Variants in DENND1B observed in about 807,000 individuals in gnomAD.
DENND1B encodes the protein DENN domain containing 1B, also known as DENN domain-containing protein 1B.
A neutral mutation model predicts 90.1 loss-of-function variants in DENND1B; 59 were observed. The ratio of observed to expected loss-of-function variants is 0.65; its 90% CI spans 0.53 to 0.81. DENND1B has a LOEUF of 0.81. Among genes scored for constraint, DENND1B ranks in the 40% least tolerant of loss-of-function variants. The pLI, the probability that DENND1B is intolerant of heterozygous loss-of-function variation, is 0.00. For missense variants in DENND1B, 862 were observed against 912.6 expected (o/e 0.94, Z 0.71); for synonymous variants, 337 against 324.6 (o/e 1.04, Z -0.41).
intron 7 of DENND1B, among the ~76,000 whole-genome samples, chr1:197,647,689 C>T (rs1228635826): frequency 6.6e-6 from 1 of 152,174 alleles, no homozygotes; most frequent in African/African-American, 2.4e-5. Flanking sequence ...TGGCTCACGC[C>T]TGTAATCCCA....
At chr1:197,600,735 A>T (rs1676132074) in intron 13 of DENND1B, among the ~76,000 whole-genome samples, 1 of 151,806 alleles carries the variant, frequency 6.6e-6, no homozygotes, top group Admixed American at 6.6e-5. Context: ...AGTATAAAGG[A>T]TATATGAGAG....
intron 20 of DENND1B, among the ~76,000 whole-genome samples, chr1:197,539,544 CT>C (rs1670174042): frequency 2.6e-5 from 4 of 152,116 alleles, no homozygotes; most frequent in Non-Finnish European, 4.4e-5. Flanking sequence ...AATAATCTAA[CT>C]TTAGAATAGG....
At chr1:197,688,410 A>G (rs1400577711) in intron 3 of DENND1B, among the ~76,000 whole-genome samples, 2 of 152,168 alleles carry the variant, frequency 1.3e-5, no homozygotes, top group Non-Finnish European at 2.9e-5. Context: ...ATATTTCCTG[A>G]TTTCAAAGTA....
Position 197,715,016 on chromosome 1 carries a change from T to C in DENND1B, c.126+15A>G. ...CTTCAACTTTAAATTTTTTAAAAAATTATGTGGTACCAACCTGGTCTCCAA... is the reference window on the plus strand; with the variant it reads ...CTTCAACTTTAAATTTTTTAAAAAACTATGTGGTACCAACCTGGTCTCCAA... On this transcript the variant is annotated intron_variant, in intron 3 of 22. Coordinates refer to ENST00000620048, the MANE Select transcript of DENND1B (RefSeq NM_001195215.2). The C allele has an allele frequency of 6.2e-7, 1 of 1,603,216 alleles. No individual in the cohort carries two copies. The highest frequency in any genetic ancestry group is 8.5e-7 in the Non-Finnish European group (1 of 1,171,460).
intron 2 of DENND1B, among the ~76,000 whole-genome samples, chr1:197,730,130 GT>G (rs1348251033): frequency 6.6e-6 from 1 of 151,842 alleles, no homozygotes; most frequent in Non-Finnish European, 1.5e-5. Context: ...TATAAAACTT[GT>G]TTTCTAATTA....
intron 2 of DENND1B, among the ~76,000 whole-genome samples, chr1:197,738,820 C>G (rs571464809): frequency 6.6e-6 from 1 of 152,126 alleles, no homozygotes; most frequent in East Asian, 1.9e-4. Flanking sequence ...GACAGTGATC[C>G]CTGACAGAGA....
intron 2 of DENND1B, among the ~76,000 whole-genome samples, chr1:197,749,643 A>G (rs915845734): frequency 6.6e-6 from 1 of 152,200 alleles, no homozygotes; most frequent in African/African-American, 2.4e-5. Context: ...TCCAGGCTAA[A>G]AGAAAATGAG....
chr1:197,757,511 G>A (rs752455905), intron 2 of DENND1B: 9 of 152,042 alleles, frequency 5.9e-5, no homozygotes, highest in Non-Finnish European at 1.0e-4. Flanking sequence ...TACAAATATT[G>A]TCATTTTCTA....
At chr1:197,751,580 A>G (rs1179030359) in intron 2 of DENND1B, among the ~76,000 whole-genome samples, 1 of 152,162 alleles carries the variant, frequency 6.6e-6, no homozygotes, top group Non-Finnish European at 1.5e-5. Flanking sequence ...GCGGTGGCTC[A>G]CACCTGTAAG....
chr1:197,729,631 T>C (rs1009897079), intron 2 of DENND1B, among the ~76,000 whole-genome samples: 1 of 152,192 alleles, frequency 6.6e-6, no homozygotes, highest in Non-Finnish European at 1.5e-5. Flanking sequence ...AGTAATCATG[T>C]AGAATAAATA....
chr1:197,726,758 G>GT (rs1661675519), intron 2 of DENND1B, among the ~76,000 whole-genome samples: 1 of 152,164 alleles, frequency 6.6e-6, no homozygotes, highest in South Asian at 2.1e-4. Flanking sequence ...TACTCAAGAG[G>GT]TTATCAAGCT....
chr1:197,559,228 C>A (rs1671958675), intron 15 of DENND1B, among the ~76,000 whole-genome samples: 1 of 151,938 alleles, frequency 6.6e-6, no homozygotes, highest in South Asian at 2.1e-4. Context: ...TGCAATCACT[C>A]CATCAAAACT....
chr1:197,777,943 A>G (rs961039819), upstream of DENND1B, among the ~76,000 whole-genome samples: 11 of 152,250 alleles, frequency 7.2e-5, no homozygotes, highest in East Asian at 3.9e-4. Flanking sequence ...TGTTGTTGAC[A>G]TCTTCTATTA....
At chr1:197,579,467 A>G (rs1352757772) in intron 15 of DENND1B, among the ~76,000 whole-genome samples, 1 of 152,062 alleles carries the variant, frequency 6.6e-6, no homozygotes, top group African/African-American at 2.4e-5. Context: ...AGTGTTTTAT[A>G]GCTTTGGATG....
intron 3 of DENND1B, among the ~76,000 whole-genome samples, chr1:197,687,842 G>C (rs941921447): frequency 8.6e-5 from 13 of 151,986 alleles, no homozygotes; most frequent in African/African-American, 3.1e-4. Context: ...AAGAAATAAA[G>C]GGCATCCAAA....
At chr1:197,695,073 T>G (rs940608870) in intron 3 of DENND1B, among the ~76,000 whole-genome samples, 3 of 151,252 alleles carry the variant, frequency 2.0e-5, no homozygotes, top group Non-Finnish European at 3.0e-5. Flanking sequence ...ATTTTAGCAG[T>G]AGAGAATATA....
Position 197,534,125 on chromosome 1 carries a change from G to T in DENND1B, c.1515+5839C>A, listed in dbSNP as rs1669708834. Reference sequence around the variant, plus strand: ...CCATCAAAAAGTGGGCGAAGGACATGAACAGACACTTCTCAAAACAAATCT... The same window carrying T: ...CCATCAAAAAGTGGGCGAAGGACATTAACAGACACTTCTCAAAACAAATCT... On this transcript the variant is annotated intron_variant, in intron 20 of 22. Transcript: ENST00000620048. Among the ~76,000 whole-genome samples, 2 of 1,070 alleles carry T rather than the reference G, an allele frequency of 1.9e-3. 1 individual carries two copies. The highest frequency in any genetic ancestry group is 1.9e-3 in the African/African-American group (2 of 1,050). The allele number at this position is 1,070 out of a possible 152,430, so 0.7% of individuals were successfully genotyped here.
At chr1:197,751,956 AG>A (rs1159700824) in intron 2 of DENND1B, among the ~76,000 whole-genome samples, 12 of 114,358 alleles carry the variant, frequency 1.0e-4, no homozygotes, top group Non-Finnish European at 1.8e-4. Context: ...AGGAGGAGGA[AG>A]GGGGGAGGAG....
intron 5 of DENND1B, among the ~76,000 whole-genome samples, chr1:197,670,107 A>C (rs1037119369): frequency 5.1e-5 from 3 of 59,318 alleles, no homozygotes; most frequent in African/African-American, 1.5e-4. Flanking sequence ...CAGTCGATTA[A>C]CAAATAGTTA....
Sources: allele counts gnomAD v4.1 joint callset (sites outside exome capture counted in the v4.1 genomes callset), GRCh38; gene constraint gnomAD v4.1.1; transcripts MANE v1.5; gene names NCBI Gene and HGNC (gene_info 2026-07-23, HGNC 2026-07-21).